The following RARB variants were observed in gnomAD, a reference collection of about 807,000 sequenced individuals.
RARB encodes retinoic acid receptor beta.
In RARB, 17 loss-of-function variants were observed where a neutral mutation model predicts 51.9. That is an observed-to-expected ratio of 0.33 (90% CI 0.22 to 0.49). The LOEUF is 0.49. Among genes scored for constraint, RARB ranks in the 20% least tolerant of loss-of-function variants. The probability of loss-of-function intolerance (pLI) is 0.99; values close to 1 mark genes in which losing one functional copy is unlikely to be tolerated. For missense variants in RARB, 369 were observed against 550.8 expected, an observed-to-expected ratio of 0.67 and a Z score of 3.30; for synonymous variants, 215 against 195.4, an observed-to-expected ratio of 1.10 and a Z score of -0.84.
chr3:25,202,157 T>C (rs1485360786), intron 5 of RARB, among the ~76,000 whole-genome samples: 1 of 152,196 alleles, frequency 6.6e-6, no homozygotes, highest in African/African-American at 2.4e-5. Context: ...CCTGATTTAG[T>C]CTTGGGAGGG....
At chr3:25,498,524 G>C (rs879720274) in intron 2 of RARB, among the ~76,000 whole-genome samples, 9 of 152,196 alleles carry the variant, frequency 5.9e-5, no homozygotes, top group Non-Finnish European at 1.3e-4. Flanking sequence ...CCAAAAATCT[G>C]ATTTGGAAAA....
intron 2 of RARB, among the ~76,000 whole-genome samples, chr3:24,874,398 T>A (rs979120119): frequency 1.3e-5 from 2 of 152,102 alleles, no homozygotes; most frequent in Non-Finnish European, 2.9e-5. Flanking sequence ...ATTACTAAGA[T>A]TTGTTAGAAT....
intron 3 of RARB, among the ~76,000 whole-genome samples, chr3:25,513,002 G>A (rs1412107917): frequency 2.6e-5 from 4 of 151,922 alleles, no homozygotes; most frequent in Non-Finnish European, 2.9e-5. Flanking sequence ...TGAAAGCAAA[G>A]GGTACGGCTG....
At chr3:25,207,033 T>G (rs182176862) in intron 5 of RARB, among the ~76,000 whole-genome samples, 1 of 152,340 alleles carries the variant, frequency 6.6e-6, no homozygotes, top group East Asian at 1.9e-4. Flanking sequence ...AATAAGGTAA[T>G]GATTGATTCT....
chr3:25,221,208 C>A (rs1009294624), intron 5 of RARB, among the ~76,000 whole-genome samples: 4 of 152,162 alleles, frequency 2.6e-5, no homozygotes, highest in Admixed American at 6.5e-5. Flanking sequence ...ACTACCAACA[C>A]TGAACATAAA....
At chr3:25,132,519 T>G (rs1699969535) in intron 4 of RARB, among the ~76,000 whole-genome samples, 1 of 151,912 alleles carries the variant, frequency 6.6e-6, no homozygotes, top group Admixed American at 6.6e-5. Context: ...GGCATTGTGC[T>G]AAGATGCGTT....
At chr3:25,587,131 G>A (rs1208745316) in intron 5 of RARB, among the ~76,000 whole-genome samples, 1 of 151,926 alleles carries the variant, frequency 6.6e-6, no homozygotes, top group Non-Finnish European at 1.5e-5. Flanking sequence ...TAGAATAGTA[G>A]CTCCTCCCCA....
chr3:25,208,737 A>C (rs1575221462), intron 5 of RARB, among the ~76,000 whole-genome samples: 1 of 152,100 alleles, frequency 6.6e-6, no homozygotes, highest in East Asian at 1.9e-4. Context: ...TAAAGCAATG[A>C]GATCTCATTG....
At chr3:24,859,314 T>C (rs1448202115) in intron 2 of RARB, among the ~76,000 whole-genome samples, 1 of 152,128 alleles carries the variant, frequency 6.6e-6, no homozygotes, top group African/African-American at 2.4e-5. Context: ...GAGTTGTGAC[T>C]GAGAAAGTGG....
intron 5 of RARB, among the ~76,000 whole-genome samples, chr3:25,244,690 T>C (rs561052358): frequency 6.6e-5 from 10 of 152,318 alleles, no homozygotes; most frequent in African/African-American, 2.2e-4. Flanking sequence ...TTTGTTATGA[T>C]TTCTCTTCTT....
At chr3:25,415,957 T>A (rs1707691162) in intron 5 of RARB, among the ~76,000 whole-genome samples, 1 of 152,208 alleles carries the variant, frequency 6.6e-6, no homozygotes, top group Non-Finnish European at 1.5e-5. Context: ...CAGGTAGGGT[T>A]ATAAATAAAA....
chr3:25,487,217 C>G (rs1423987305), intron 2 of RARB, among the ~76,000 whole-genome samples: 1 of 152,124 alleles, frequency 6.6e-6, no homozygotes, highest in East Asian at 1.9e-4. Flanking sequence ...AATAGCAACT[C>G]CAGGTTTTCG....
At chr3:25,147,446 A>C (rs1700210995) in intron 4 of RARB, among the ~76,000 whole-genome samples, 1 of 152,236 alleles carries the variant, frequency 6.6e-6, no homozygotes, top group African/African-American at 2.4e-5. Context: ...AGAGATTTTG[A>C]ATATTGTCCT....
chr3:25,290,121 T>C (rs914284534), intron 5 of RARB, among the ~76,000 whole-genome samples: 1 of 152,208 alleles, frequency 6.6e-6, no homozygotes, highest in Non-Finnish European at 1.5e-5. Context: ...CATAGAAATC[T>C]CATTTAACTG....
At chr3:25,021,500 A>T (rs1302436018) in intron 2 of RARB, among the ~76,000 whole-genome samples, 1 of 152,124 alleles carries the variant, frequency 6.6e-6, no homozygotes, top group African/African-American at 2.4e-5. Context: ...TGGGACAAGG[A>T]AGTGATAAGT....
intron 2 of RARB, among the ~76,000 whole-genome samples, chr3:25,031,820 C>G (rs1697882217): frequency 1.3e-5 from 2 of 152,170 alleles, no homozygotes; most frequent in African/African-American, 4.8e-5. Flanking sequence ...CTTATCCCAA[C>G]CAGTTACTCC....
chr3:25,585,570 G>C (rs1701351495), intron 5 of RARB, among the ~76,000 whole-genome samples: 1 of 152,192 alleles, frequency 6.6e-6, no homozygotes, highest in South Asian at 2.1e-4. Context: ...TGATTCTGAA[G>C]ACAGGGTTTT....
At chr3:25,281,089 C>T (rs369140548) in intron 5 of RARB, among the ~76,000 whole-genome samples, 30 of 152,258 alleles carry the variant, frequency 2.0e-4, no homozygotes, top group East Asian at 1.5e-3. Context: ...AAAATGAATC[C>T]TCACTACAGA....
intron 4 of RARB, among the ~76,000 whole-genome samples, chr3:25,167,722 AC>A (rs1308136239): frequency 4.6e-5 from 7 of 152,222 alleles, no homozygotes; most frequent in Non-Finnish European, 1.5e-5. Context: ...AGTTCTAGAC[AC>A]CAAGCATCAA....
Sources: gnomAD v4.1 joint callset for allele counts (sites outside exome capture counted in the v4.1 genomes callset) on GRCh38, gnomAD v4.1.1 for gene constraint, MANE v1.5 for transcripts, NCBI Gene and HGNC (gene_info 2026-07-23, HGNC 2026-07-21) for gene names.